The following MYO1D variants were observed in gnomAD, a reference collection of about 807,000 sequenced individuals.
MYO1D encodes the protein unconventional myosin-Id.
A neutral mutation model predicts 122.0 loss-of-function variants in MYO1D; 83 were observed. That is an observed-to-expected ratio of 0.68 (90% CI 0.57 to 0.82). MYO1D has a LOEUF of 0.82. Among genes scored for constraint, MYO1D ranks in the 40% least tolerant of loss-of-function variants. The pLI, the probability that MYO1D is intolerant of heterozygous loss-of-function variation, is 0.00. For synonymous variants in MYO1D, 464 were observed against 446.9 expected (o/e 1.04, Z -0.48); for missense variants, 1,157 against 1,269.5 (o/e 0.91, Z 1.35).
intron 1 of MYO1D, among the ~76,000 whole-genome samples, 155 bp from the exon 2 acceptor site, chr17:32,780,939 G>A (rs1288278560): frequency 2.0e-5 from 3 of 152,202 alleles, no homozygotes; most frequent in Non-Finnish European, 4.4e-5. Flanking sequence ...TGTAGAGAAT[G>A]TTTGAGGCTG....
chr17:32,702,698 A>C (rs1166200429), intron 16 of MYO1D, among the ~76,000 whole-genome samples: 2 of 152,228 alleles, frequency 1.3e-5, no homozygotes, highest in African/African-American at 2.4e-5. Flanking sequence ...TGGGGACTGA[A>C]TGCATCTGAA....
intron 16 of MYO1D, among the ~76,000 whole-genome samples, chr17:32,696,086 A>C (rs1416864025): frequency 6.6e-6 from 1 of 152,226 alleles, no homozygotes; most frequent in Admixed American, 6.5e-5. Context: ...AGCTAATGGA[A>C]TATGTGCTTG....
intron 8 of MYO1D, 130 bp downstream of exon 8, chr17:32,764,748 A>G (rs1357779601): frequency 1.0e-6 from 1 of 979,522 alleles, no homozygotes; most frequent in African/African-American, 1.6e-5. Context: ...TTGTATGGCC[A>G]GAAAGTATCA....
At chr17:32,775,675 T>G (rs532371640) in intron 4 of MYO1D, among the ~76,000 whole-genome samples, 189 bp downstream of exon 4, 1 of 152,120 alleles carries the variant, frequency 6.6e-6, no homozygotes, top group South Asian at 2.1e-4. Context: ...GTCCACAACT[T>G]TTTCCAACTT....
At position 32,561,465 on chromosome 17, in the gene MYO1D, G is replaced by A. The variant is rs565079636; in HGVS notation, c.2864+43622C>T. On this transcript the variant is annotated intron_variant, in intron 21 of 21. Transcript: ENST00000318217. ...AGCACTTTGAGAGGCCAAGGCAGGC[G>A]GATCATGAGGTCAGGAGATCAAGAA... Among the ~76,000 whole-genome samples, 29 of 151,810 alleles carry A rather than the reference G, an allele frequency of 1.9e-4. No homozygotes were observed. In the South Asian group the frequency reaches 4.6e-3, roughly 24 times the overall value.
At position 32,822,230 on chromosome 17, in the gene MYO1D, T is replaced by C. The variant is rs571756058; in HGVS notation, c.96-41446A>G. Among the ~76,000 whole-genome samples, 973 of 152,238 alleles carry C rather than the reference T, an allele frequency of 6.4e-3. 15 individuals are homozygous for C. The highest frequency in any genetic ancestry group is 0.022 in the African/African-American group (926 of 41,544). ...TGAGTTCATGTCCTTTGTAGGGACA[T>C]GGATGAAGCTGGAAACCATCATTCT... On this transcript the variant is annotated intron_variant, in intron 1 of 21. Transcript: ENST00000318217.
chr17:32,724,277 A>C (rs2089545746), intron 14 of MYO1D, among the ~76,000 whole-genome samples: 3 of 152,224 alleles, frequency 2.0e-5, no homozygotes, highest in Admixed American at 6.5e-5. Context: ...TAACAGAATA[A>C]GCATTGTACA....
At chr17:32,610,646 A>C (rs1445354825) in intron 20 of MYO1D, among the ~76,000 whole-genome samples, 1 of 152,224 alleles carries the variant, frequency 6.6e-6, no homozygotes, top group Non-Finnish European at 1.5e-5. Context: ...GTAAGGATCA[A>C]ATAGTAGCAA....
intron 21 of MYO1D, among the ~76,000 whole-genome samples, chr17:32,515,313 C>T (rs1196843484): frequency 6.6e-6 from 1 of 152,196 alleles, no homozygotes; most frequent in Non-Finnish European, 1.5e-5. Flanking sequence ...TTTAAATTCC[C>T]TCCTCCTGTC....
chr17:32,569,519 A>C (rs2087203667), intron 21 of MYO1D, among the ~76,000 whole-genome samples: 1 of 152,204 alleles, frequency 6.6e-6, no homozygotes, highest in Admixed American at 6.5e-5. Context: ...ACAATGGTGA[A>C]CACCCAGGGG....
chr17:32,875,739 T>C (rs970039020), intron 1 of MYO1D, among the ~76,000 whole-genome samples: 1 of 152,144 alleles, frequency 6.6e-6, no homozygotes, highest in East Asian at 1.9e-4. Context: ...ATAATGAAAT[T>C]AGGGTTAAGC....
At chr17:32,519,412 G>C (rs965765962) in intron 21 of MYO1D, 2 of 152,560 alleles carry the variant, frequency 1.3e-5, no homozygotes, top group Non-Finnish European at 2.9e-5. Context: ...ACGCAGGGAA[G>C]CAGGGAGGAG....
chr17:32,667,685 A>G (rs1226336563), intron 16 of MYO1D, among the ~76,000 whole-genome samples: 1 of 152,234 alleles, frequency 6.6e-6, no homozygotes, highest in Non-Finnish European at 1.5e-5. Flanking sequence ...AACATAATTT[A>G]GAAGTGACCA....
rs1412024139 is a variant in MYO1D, at chr17:32,851,106, T to G, written c.95+25672A>C. 2.0e-5 allele frequency among the ~76,000 whole-genome samples: 3 copies of G among 152,176 alleles called. No homozygotes were observed. The East Asian group carries it at 5.8e-4, about 29-fold the overall frequency. ...CTTTGGCATTGTCTGGTGATCCTTG[T>G]ACTTGTCCTTCAACAGCTCCCAAAT... On this transcript the variant is annotated intron_variant, in intron 1 of 21. Coordinates refer to ENST00000318217, the MANE Select transcript of MYO1D (RefSeq NM_015194.3).
At chr17:32,642,415 C>T (rs1477090853) in intron 19 of MYO1D, among the ~76,000 whole-genome samples, 1 of 152,156 alleles carries the variant, frequency 6.6e-6, no homozygotes. Context: ...GCAATGCAGG[C>T]TCTTTTTTGG....
chr17:32,574,561 C>T (rs2087261182), intron 21 of MYO1D, among the ~76,000 whole-genome samples: 1 of 152,200 alleles, frequency 6.6e-6, no homozygotes, highest in Non-Finnish European at 1.5e-5. Context: ...TCATGCTGCT[C>T]ATCACCATTG....
rs529131021 is a variant in MYO1D at position 32,510,443 on chromosome 17, T to C, written c.2865-15528A>G. On this transcript the variant is annotated intron_variant, in intron 21 of 21. Coordinates refer to ENST00000318217, the MANE Select transcript of MYO1D (RefSeq NM_015194.3). ...TTGGCCTTTGTCTGGCCAGAAGACA[T>C]TGATGTTTCCAGGCATAGATGATTC... is the stretch of plus-strand genomic sequence containing the variant. The C allele has an allele frequency of 5.9e-5, 9 of 152,364 alleles. No individual in the cohort carries two copies. In the East Asian group the frequency reaches 9.6e-4, roughly 16 times the overall value. 9.4% of individuals were successfully genotyped at this position (152,364 alleles called of 1,614,324 possible).
chr17:32,525,579 TG>T (rs1477553453), intron 21 of MYO1D, among the ~76,000 whole-genome samples: 7 of 152,294 alleles, frequency 4.6e-5, no homozygotes, highest in African/African-American at 1.7e-4. Flanking sequence ...CTGCTAGACT[TG>T]ATCTTAGCCA....
Position 32,688,137 on chromosome 17 carries a change from A to T in MYO1D, c.2121+23851T>A, listed in dbSNP as rs546249207. 2.6e-5 allele frequency among the ~76,000 whole-genome samples: 4 copies of T among 152,214 alleles called. No individual in the cohort carries two copies. In the South Asian group the frequency reaches 8.3e-4, roughly 32 times the overall value. On this transcript the variant is annotated intron_variant, in intron 16 of 21. Coordinates refer to ENST00000318217, the MANE Select transcript of MYO1D (RefSeq NM_015194.3). Reference sequence around the variant, plus strand: ...TGGGAGGAACATTCATATGCGCAACACCTTTCTGGGAGCTGTGCAATCCCT... The same window carrying T: ...TGGGAGGAACATTCATATGCGCAACTCCTTTCTGGGAGCTGTGCAATCCCT...
Sources: allele counts gnomAD v4.1 joint callset (sites outside exome capture counted in the v4.1 genomes callset), GRCh38; gene constraint gnomAD v4.1.1; transcripts MANE v1.5; gene names NCBI Gene and HGNC (gene_info 2026-07-23, HGNC 2026-07-21).